PTPRD: variants seen among roughly 807,000 people sequenced by gnomAD.
The protein encoded by PTPRD is receptor-type tyrosine-protein phosphatase delta.
PTPRD carries 34 observed loss-of-function variants against 214.5 expected under a neutral mutation model. That is an observed-to-expected ratio of 0.16 (90% CI 0.12 to 0.21). PTPRD has a LOEUF of 0.21. Ranked by LOEUF, PTPRD falls within the 10% of genes least tolerant of loss-of-function variation. The pLI, the probability that PTPRD is intolerant of heterozygous loss-of-function variation, is 1.00. For missense variants in PTPRD, 2,545 were observed against 2,398.7 expected, an observed-to-expected ratio of 1.06 and a Z score of -1.27; for synonymous variants, 1,128 against 845.7, an observed-to-expected ratio of 1.33 and a Z score of -5.79.
intron 9 of PTPRD, among the ~76,000 whole-genome samples, chr9:9,294,206 T>C (rs1952202273): frequency 6.6e-6 from 1 of 151,682 alleles, no homozygotes; most frequent in Non-Finnish European, 1.5e-5. Context: ...ATGAATTGTT[T>C]ATTTCTGGAA....
In PTPRD at chr9:10,154,239, T is replaced by G. The variant is rs148183672; in HGVS notation, c.-544-120449A>C. 7.1e-3 allele frequency among the ~76,000 whole-genome samples: 1,074 copies of G among 152,320 alleles called. 12 individuals are homozygous for G. The highest frequency in any genetic ancestry group is 0.023 in the African/African-American group (972 of 41,580). On this transcript the variant is annotated intron_variant, in intron 3 of 45. Coordinates refer to ENST00000381196, the MANE Select transcript of PTPRD (RefSeq NM_002839.4). ...TAATAATCAGTGATGCTGAGCTTTT[T>G]TTATATGGTTGTTGGCTGCATGTAT...
intron 3 of PTPRD, among the ~76,000 whole-genome samples, chr9:10,315,040 C>G (rs1029939903): frequency 1.3e-5 from 2 of 151,828 alleles, no homozygotes; most frequent in East Asian, 3.9e-4. Flanking sequence ...AAAAGATTTA[C>G]AAACATATAT....
At chr9:9,881,488 G>C (rs1015200470) in intron 5 of PTPRD, among the ~76,000 whole-genome samples, 1 of 151,998 alleles carries the variant, frequency 6.6e-6, no homozygotes, top group Admixed American at 6.6e-5. Context: ...CTCCTCCACC[G>C]CATCTTCATC....
At chr9:10,488,056 T>C (rs1403764996) in intron 2 of PTPRD, among the ~76,000 whole-genome samples, 2 of 148,582 alleles carry the variant, frequency 1.3e-5, no homozygotes, top group East Asian at 2.0e-4. Flanking sequence ...AGCAACCCTG[T>C]GGCCACCATG....
At chr9:9,406,628 A>G (rs561937897) in intron 8 of PTPRD, among the ~76,000 whole-genome samples, 1 of 151,978 alleles carries the variant, frequency 6.6e-6, no homozygotes, top group African/African-American at 2.4e-5. Context: ...AGTTTTCAAT[A>G]CCATTCCCAA....
At chr9:8,984,267 A>G (rs1237393135) in intron 11 of PTPRD, among the ~76,000 whole-genome samples, 1 of 152,088 alleles carries the variant, frequency 6.6e-6, no homozygotes. Context: ...AATTTTTAGT[A>G]CAATTACTGG....
At chr9:10,003,651 T>C (rs1471914338) in intron 4 of PTPRD, among the ~76,000 whole-genome samples, 1 of 151,618 alleles carries the variant, frequency 6.6e-6, no homozygotes, top group African/African-American at 2.4e-5. Context: ...TAATATTGGG[T>C]TAATATTAAT....
intron 2 of PTPRD, among the ~76,000 whole-genome samples, chr9:10,369,001 T>G (rs561552111): frequency 2.1e-4 from 32 of 151,696 alleles, no homozygotes; most frequent in African/African-American, 6.8e-4. Context: ...GGAATATGTG[T>G]TTTTTTTAAT....
chr9:10,512,934 G>A (rs1012926414), intron 2 of PTPRD, among the ~76,000 whole-genome samples: 8 of 152,004 alleles, frequency 5.3e-5, no homozygotes, highest in African/African-American at 1.9e-4. Flanking sequence ...CAAGAGGACT[G>A]AAATTACTTA....
At chr9:9,901,768 G>A (rs1420863128) in intron 5 of PTPRD, among the ~76,000 whole-genome samples, 1 of 152,074 alleles carries the variant, frequency 6.6e-6, no homozygotes, top group Non-Finnish European at 1.5e-5. Context: ...TGGGAGGCAT[G>A]GCTGGGGAGG....
chr9:8,882,286 A>G (rs2098452815), intron 11 of PTPRD, among the ~76,000 whole-genome samples: 1 of 152,168 alleles, frequency 6.6e-6, no homozygotes, highest in South Asian at 2.1e-4. Flanking sequence ...CTTTAAACTT[A>G]CAGCTTTGGA....
chr9:8,599,196 G>A (rs554689778), intron 14 of PTPRD, among the ~76,000 whole-genome samples: 84 of 152,106 alleles, frequency 5.5e-4, no homozygotes, highest in Non-Finnish European at 9.7e-4. Flanking sequence ...CTTCTCATTT[G>A]CCTTCTACCA....
intron 11 of PTPRD, among the ~76,000 whole-genome samples, chr9:8,912,690 G>C (rs942150092): frequency 6.6e-6 from 1 of 151,930 alleles, no homozygotes; most frequent in African/African-American, 2.4e-5. Context: ...TAAAGACAAT[G>C]GATTAATTCA....
chr9:9,375,137 C>T (rs1427008023), intron 9 of PTPRD, among the ~76,000 whole-genome samples: 4 of 152,070 alleles, frequency 2.6e-5, no homozygotes, highest in African/African-American at 4.8e-5. Context: ...TTGAAAGAAA[C>T]ATTTTTGTTA....
chr9:9,967,073 T>C (rs2094756251), intron 4 of PTPRD, among the ~76,000 whole-genome samples: 1 of 152,106 alleles, frequency 6.6e-6, no homozygotes. Context: ...GCTGAGAACT[T>C]CACCAGGGTA....
intron 7 of PTPRD, among the ~76,000 whole-genome samples, chr9:9,635,529 G>T (rs78176515): frequency 6.6e-6 from 1 of 152,138 alleles, no homozygotes; most frequent in Non-Finnish European, 1.5e-5. Context: ...TGAGCTGTGT[G>T]GGTTATGCTT....
At chr9:9,919,723 G>T (rs1198727722) in intron 5 of PTPRD, among the ~76,000 whole-genome samples, 1 of 152,078 alleles carries the variant, frequency 6.6e-6, no homozygotes, top group East Asian at 1.9e-4. Flanking sequence ...AGAACAACGG[G>T]CTATATTAGG....
chr9:8,915,138 A>G (rs1476290070), intron 11 of PTPRD, among the ~76,000 whole-genome samples: 1 of 152,180 alleles, frequency 6.6e-6, no homozygotes, highest in Non-Finnish European at 1.5e-5. Flanking sequence ...CTCATATGTC[A>G]TGCTCAGGAT....
chr9:9,940,665 T>C (rs567891761), intron 4 of PTPRD, among the ~76,000 whole-genome samples: 1 of 152,168 alleles, frequency 6.6e-6, no homozygotes, highest in Non-Finnish European at 1.5e-5. Context: ...AGCTCTCCTG[T>C]TGAAATACAA....
Sources: gnomAD v4.1 joint callset for allele counts (sites outside exome capture counted in the v4.1 genomes callset) on GRCh38, gnomAD v4.1.1 for gene constraint, MANE v1.5 for transcripts, NCBI Gene and HGNC (gene_info 2026-07-23, HGNC 2026-07-21) for gene names.